The following CCSER2 variants were observed in gnomAD, a reference collection of about 807,000 sequenced individuals.
CCSER2 encodes the protein coiled-coil serine rich protein 2.
A neutral mutation model predicts 92.3 loss-of-function variants in CCSER2; 46 were observed. The observed-to-expected ratio is 0.50, with a 90% confidence interval of 0.39 to 0.64. CCSER2 has a LOEUF of 0.64. Ranked by LOEUF, CCSER2 falls within the 30% of genes least tolerant of loss-of-function variation. The probability of loss-of-function intolerance (pLI) is 0.00; values close to 1 mark genes in which losing one functional copy is unlikely to be tolerated. For synonymous variants in CCSER2, 433 were observed against 431.4 expected (o/e 1.00, Z -0.04); for missense variants, 1,244 against 1,238.9 (o/e 1.00, Z -0.06).
In CCSER2 at chr10:84,462,330, T is replaced by G. The variant is rs113509511; in HGVS notation, c.2065-1603T>G. 2.8e-3 allele frequency among the ~76,000 whole-genome samples: 424 copies of G among 152,342 alleles called. 2 individuals are homozygous for G. Among genetic ancestry groups the G allele is most frequent in the African/African-American group, 9.3e-3 (386 of 41,576 alleles). ...ACACTTCCCACAAGTGCACCTGCAT[T>G]TAATGCAAAGCAGTATGTGCTTGTG... On this transcript the variant is annotated intron_variant, in intron 6 of 9. Coordinates refer to ENST00000372088, the MANE Select transcript of CCSER2 (RefSeq NM_001284240.2).
At chr10:84,348,163 A>G (rs1844638657) in intron 1 of CCSER2, among the ~76,000 whole-genome samples, 1 of 152,216 alleles carries the variant, frequency 6.6e-6, no homozygotes, top group Non-Finnish European at 1.5e-5. Context: ...CCTGGGCAAC[A>G]TTGAGCATTG....
At chr10:84,328,880 C>G (rs1843397531) in intron 1 of CCSER2, 72 bp downstream of exon 1, 1 of 151,250 alleles carries the variant, frequency 6.6e-6, no homozygotes, top group South Asian at 2.0e-4. Context: ...CAAGACCAGG[C>G]ACGCAGTCCG....
intron 6 of CCSER2, among the ~76,000 whole-genome samples, chr10:84,458,575 G>A (rs941040352): frequency 1.3e-5 from 2 of 152,096 alleles, no homozygotes; most frequent in African/African-American, 4.8e-5. Context: ...AAATTCTGCT[G>A]GGATTTTGAT....
chr10:84,336,231 G>C (rs1223261790), intron 1 of CCSER2, among the ~76,000 whole-genome samples: 1 of 152,114 alleles, frequency 6.6e-6, no homozygotes, highest in Non-Finnish European at 1.5e-5. Flanking sequence ...TCTCAGTCTG[G>C]ATTTTTCTCA....
At chr10:84,355,449 A>T (rs1051980974) in intron 1 of CCSER2, among the ~76,000 whole-genome samples, 1 of 152,158 alleles carries the variant, frequency 6.6e-6, no homozygotes, top group Non-Finnish European at 1.5e-5. Flanking sequence ...ACTCAGCTCA[A>T]GCATTGCCTC....
Position 84,332,436 on chromosome 10 carries a change from A to ATATATTT in CCSER2, c.-40+3629_-40+3630insATATTTT, listed in dbSNP as rs1401635246. ...TTTATATATATATATATATATATAT[A>ATATATTT]TTTTTTTTTTTTTTTTTTTTTGAGA... On this transcript the variant is annotated intron_variant, in intron 1 of 9. Coordinates refer to ENST00000372088, the MANE Select transcript of CCSER2 (RefSeq NM_001284240.2). Among the ~76,000 whole-genome samples the ATATATTT allele has an allele frequency of 1.3e-3, 74 of 55,206 alleles. 4 individuals are homozygous for ATATATTT. The highest frequency in any genetic ancestry group is 7.5e-3 in the African/African-American group (65 of 8,694). The allele number at this position is 55,206 out of a possible 152,430, so 36.2% of individuals were successfully genotyped here.
intron 3 of CCSER2, among the ~76,000 whole-genome samples, chr10:84,376,587 T>C (rs985429260): frequency 7.2e-5 from 11 of 152,186 alleles, no homozygotes; most frequent in Non-Finnish European, 1.2e-4. Context: ...CTACAACTTA[T>C]CTTATTGTTC....
intron 9 of CCSER2, among the ~76,000 whole-genome samples, chr10:84,508,535 G>A (rs553096946): frequency 6.6e-6 from 1 of 152,258 alleles, no homozygotes; most frequent in East Asian, 1.9e-4. Context: ...CAGCCTGATT[G>A]TAAAAGCTAA....
chr10:84,444,914 C>T (rs1844815235), intron 6 of CCSER2, among the ~76,000 whole-genome samples: 1 of 152,268 alleles, frequency 6.6e-6, no homozygotes, highest in South Asian at 2.1e-4. Flanking sequence ...AGAATGACAA[C>T]AGTAGTAATT....
At chr10:84,489,314 A>ATCTG (rs1208364263) in intron 9 of CCSER2, among the ~76,000 whole-genome samples, 2 of 152,186 alleles carry the variant, frequency 1.3e-5, no homozygotes, top group Non-Finnish European at 2.9e-5. Context: ...TGTCTCATTG[A>ATCTG]TCTGTCTAAG....
intron 1 of CCSER2, among the ~76,000 whole-genome samples, chr10:84,360,437 T>A (rs1289763419): frequency 6.6e-6 from 1 of 152,242 alleles, no homozygotes; most frequent in Non-Finnish European, 1.5e-5. Context: ...TAGAATAAGT[T>A]GTCTTTGCAG....
At chr10:84,365,607 C>T (rs1845737924) in intron 1 of CCSER2, among the ~76,000 whole-genome samples, 2 of 152,166 alleles carry the variant, frequency 1.3e-5, no homozygotes, top group South Asian at 2.1e-4. Flanking sequence ...TTATTCTTTT[C>T]CCCCACAAAC....
rs1849489597 is a variant in CCSER2 at position 84,513,768 on chromosome 10, A to T, written c.2645A>T (p.Gln882Leu). ...GCAAACAATCAAATTAGTGACATGC[A>T]GTTTATACCCACTTCTCTTCAGACA... ...HLANNQISDM[Q>L]FIPTSLQTPP... is the part of the protein sequence containing the mutation. The change falls in exon 10 of 10, where the codon CAG (glutamine) becomes CTG (leucine). Residue 882 changes from glutamine (Q) to leucine (L), a missense_variant. Gln to Leu is a moderately radical substitution (Grantham distance 113). Transcript: ENST00000372088. 1 of 1,536,862 alleles carries T rather than the reference A, an allele frequency of 6.5e-7. No homozygotes were observed. Among genetic ancestry groups the T allele is most frequent in the Non-Finnish European group, 8.7e-7 (1 of 1,146,968 alleles).
intron 9 of CCSER2, among the ~76,000 whole-genome samples, chr10:84,496,516 A>AC (rs1223119185): frequency 6.6e-6 from 1 of 151,220 alleles, no homozygotes; most frequent in Non-Finnish European, 1.5e-5. Flanking sequence ...GGATCTCCTG[A>AC]CCTCGTGATC....
intron 9 of CCSER2, among the ~76,000 whole-genome samples, chr10:84,510,649 A>G (rs1298833507): frequency 1.3e-5 from 2 of 152,244 alleles, no homozygotes; most frequent in African/African-American, 2.4e-5. Flanking sequence ...GATGTGAGCA[A>G]GATGAATTAA....
At chr10:84,382,302 C>G (rs1177643418) in intron 3 of CCSER2, among the ~76,000 whole-genome samples, 1 of 152,082 alleles carries the variant, frequency 6.6e-6, no homozygotes, top group Admixed American at 6.6e-5. Context: ...TATGGACTAC[C>G]TACTACCTTT....
At chr10:84,503,083 G>A (rs1182128988) in intron 9 of CCSER2, among the ~76,000 whole-genome samples, 1 of 152,068 alleles carries the variant, frequency 6.6e-6, no homozygotes, top group East Asian at 1.9e-4. Context: ...AATTAGCGGG[G>A]CGTGGTGGCG....
chr10:84,461,085 T>A lies in CCSER2; in HGVS notation c.2065-2848T>A. ...ATTCTATAATTTTCCCTTATCACTC[T>A]GCTTTAGTTGCATTCCACAAATTTT... On this transcript the variant is annotated intron_variant, in intron 6 of 9. Coordinates refer to ENST00000372088, the MANE Select transcript of CCSER2 (RefSeq NM_001284240.2). 1.3e-5 allele frequency among the ~76,000 whole-genome samples: 2 copies of A among 152,186 alleles called. 1 individual carries two copies. The highest frequency in any genetic ancestry group is 3.9e-4 in the East Asian group (2 of 5,192).
intron 3 of CCSER2, among the ~76,000 whole-genome samples, chr10:84,379,546 G>C (rs1425075561): frequency 6.6e-6 from 1 of 152,042 alleles, no homozygotes; most frequent in Non-Finnish European, 1.5e-5. Context: ...CTCATAAAGA[G>C]AAGCCTTTAT....
Sources: allele counts gnomAD v4.1 joint callset (sites outside exome capture counted in the v4.1 genomes callset), GRCh38; gene constraint gnomAD v4.1.1; transcripts MANE v1.5; gene names NCBI Gene and HGNC (gene_info 2026-07-23, HGNC 2026-07-21).